PRPF18: variants seen among roughly 807,000 people sequenced by gnomAD.
The protein encoded by PRPF18 is pre-mRNA-splicing factor 18.
PRPF18 carries 38 observed loss-of-function variants against 46.5 expected under a neutral mutation model. The observed-to-expected ratio is 0.82, with a 90% CI of 0.63 to 1.07. The LOEUF (loss-of-function observed/expected upper bound fraction) is 1.07. Ranked by LOEUF, PRPF18 falls within the 50% of genes least tolerant of loss-of-function variation. The pLI is 0.00. For missense variants in PRPF18, 263 were observed against 410.0 expected, an observed-to-expected ratio of 0.64 and a Z score of 3.10; for synonymous variants, 152 against 146.7, an observed-to-expected ratio of 1.04 and a Z score of -0.26.
In PRPF18 at chr10:13,630,308, C is replaced by A; in HGVS notation, c.997C>A (p.Pro333Thr). The A allele has an allele frequency of 6.2e-7, 1 of 1,612,198 alleles. No individual in the cohort carries two copies. Among genetic ancestry groups the A allele is most frequent in the Non-Finnish European group, 8.5e-7 (1 of 1,178,354 alleles). Residue 333 changes from proline (P) to threonine (T), a missense_variant, in exon 10 of 10, where the codon CCA (proline) becomes ACA (threonine). Coordinates refer to ENST00000378572, the MANE Select transcript of PRPF18 (RefSeq NM_003675.4). ...TICQKHFPTD[P>T]SKCVEYNAL ...TTGCCAGAAACACTTTCCTACAGAC[C>A]CATCCAAATGTGTGGAGTACAATGC...
At chr10:13,601,865 G>C (rs983035608) in intron 3 of PRPF18, among the ~76,000 whole-genome samples, 1 of 152,208 alleles carries the variant, frequency 6.6e-6, no homozygotes, top group African/African-American at 2.4e-5. Context: ...TAGTAGTTCT[G>C]TAATTTATTA....
intron 4 of PRPF18, among the ~76,000 whole-genome samples, chr10:13,607,860 G>A (rs769259987): frequency 6.6e-6 from 1 of 152,082 alleles, no homozygotes; most frequent in Non-Finnish European, 1.5e-5. Flanking sequence ...CTCTGATCTT[G>A]TTTTATGGCT....
intron 9 of PRPF18, among the ~76,000 whole-genome samples, chr10:13,624,044 G>T (rs2080460724): frequency 6.6e-6 from 1 of 152,210 alleles, no homozygotes; most frequent in South Asian, 2.1e-4. Context: ...GAATGCAGTG[G>T]CATGATCTTG....
chr10:13,650,517 A>T, the PRPF18 span, among the ~76,000 whole-genome samples: 29 of 152,334 alleles, frequency 1.9e-4, no homozygotes, highest in African/African-American at 7.0e-4. Context: ...TCTGGCTGTC[A>T]GCCCTATCTC....
chr10:13,588,790 C>T (rs2079915229), intron 1 of PRPF18, among the ~76,000 whole-genome samples: 8 of 152,166 alleles, frequency 5.3e-5, no homozygotes, highest in Admixed American at 5.2e-4. Flanking sequence ...ATCTCCCTTA[C>T]TTTATTGTGT....
At chr10:13,588,648 C>T (rs2079912876) in intron 1 of PRPF18, among the ~76,000 whole-genome samples, 1 of 151,944 alleles carries the variant, frequency 6.6e-6, no homozygotes. Flanking sequence ...TCTATTCCTC[C>T]TCCTTCTCTC....
At chr10:13,652,429 A>G in the PRPF18 span, 1 of 168,212 alleles carries the variant, frequency 5.9e-6, no homozygotes, top group South Asian at 1.6e-4. Flanking sequence ...CATGATTCAG[A>G]AAAGTTGGAA....
intron 4 of PRPF18, among the ~76,000 whole-genome samples, chr10:13,606,316 TC>T (rs1474209733): frequency 2.0e-5 from 3 of 152,224 alleles, no homozygotes; most frequent in Non-Finnish European, 4.4e-5. Context: ...CTGGCTTCTT[TC>T]GCTCAGCATA....
At chr10:13,624,213 A>G (rs2080464565) in intron 9 of PRPF18, among the ~76,000 whole-genome samples, 1 of 152,176 alleles carries the variant, frequency 6.6e-6, no homozygotes, top group South Asian at 2.1e-4. Flanking sequence ...CCTGACCTCA[A>G]GTGATCTGCC....
intron 1 of PRPF18, chr10:13,591,927 G>GC: frequency 7.5e-7 from 1 of 1,325,996 alleles, no homozygotes; most frequent in East Asian, 3.9e-5. Context: ...GTCAACTGAG[G>GC]GTTTTTTTTT....
chr10:13,626,753 T>G (rs1365567117), intron 9 of PRPF18, among the ~76,000 whole-genome samples: 1 of 151,772 alleles, frequency 6.6e-6, no homozygotes, highest in Non-Finnish European at 1.5e-5. Context: ...AATTAGGATT[T>G]GGAAAGAGTG....
At chr10:13,635,671 G>C (rs1458585880), downstream of PRPF18, among the ~76,000 whole-genome samples, 1 of 152,100 alleles carries the variant, frequency 6.6e-6, no homozygotes, top group African/African-American at 2.4e-5. Flanking sequence ...TTCTTCTTGT[G>C]TTTGTTGGCT....
chr10:13,631,053 A>G (rs2080585064), downstream of PRPF18: 2 of 152,248 alleles, frequency 1.3e-5, 1 homozygote, highest in South Asian at 4.2e-4. Context: ...ATCAAGGTTA[A>G]GGTGGGACAG....
At chr10:13,607,932 T>A (rs1268655946) in intron 4 of PRPF18, among the ~76,000 whole-genome samples, 1 of 152,232 alleles carries the variant, frequency 6.6e-6, no homozygotes, top group African/African-American at 2.4e-5. Flanking sequence ...ATGGTACAGT[T>A]CTACAAATGT....
chr10:13,603,337 T>C (rs1292722251), intron 3 of PRPF18, among the ~76,000 whole-genome samples: 1 of 152,196 alleles, frequency 6.6e-6, no homozygotes, highest in African/African-American at 2.4e-5. Flanking sequence ...TCAGCTTCTT[T>C]ATTTAAAAAA....
At chr10:13,625,923 G>GT (rs1256554130) in intron 9 of PRPF18, among the ~76,000 whole-genome samples, 20 of 152,346 alleles carry the variant, frequency 1.3e-4, no homozygotes, top group Middle Eastern at 3.4e-3. Context: ...CACATTCTCT[G>GT]TAGTCATTAT....
At chr10:13,612,198 T>G (rs1429500968) in intron 6 of PRPF18, among the ~76,000 whole-genome samples, 1 of 152,086 alleles carries the variant, frequency 6.6e-6, no homozygotes, top group East Asian at 1.9e-4. Flanking sequence ...TTGTGGCATA[T>G]TTTTTAAAGC....
intron 4 of PRPF18, among the ~76,000 whole-genome samples, chr10:13,608,376 C>G (rs569165192): frequency 6.6e-6 from 1 of 151,222 alleles, no homozygotes; most frequent in African/African-American, 2.5e-5. Flanking sequence ...CAGGCCCGCT[C>G]CCCGACCTGC....
chr10:13,605,864 T>C, intron 4 of PRPF18, 120 bp downstream of exon 4: 1 of 1,317,006 alleles, frequency 7.6e-7, no homozygotes, highest in Non-Finnish European at 9.8e-7. Flanking sequence ...TTATTGCTGC[T>C]GAATGGAAGT....
Sources: gnomAD v4.1 joint callset for allele counts (sites outside exome capture counted in the v4.1 genomes callset) on GRCh38, gnomAD v4.1.1 for gene constraint, MANE v1.5 for transcripts, NCBI Gene and HGNC (gene_info 2026-07-23, HGNC 2026-07-21) for gene names.